The following MAP4 variants were observed in gnomAD, a reference collection of about 807,000 sequenced individuals.
The protein encoded by MAP4 is microtubule-associated protein 4.
Under a neutral mutation model 170.2 loss-of-function variants are expected in MAP4, and 76 were observed. That is an observed-to-expected ratio of 0.45 (90% confidence interval 0.37 to 0.54). The LOEUF (loss-of-function observed/expected upper bound fraction) is 0.54. MAP4 is among the 20% of genes least tolerant of loss of function. MAP4 has a pLI of 0.00. For missense variants in MAP4, 2,506 were observed against 2,748.0 expected (o/e 0.91, Z 1.97); for synonymous variants, 909 against 994.5 (o/e 0.91, Z 1.62).
intron 3 of MAP4, among the ~76,000 whole-genome samples, chr3:47,964,094 T>C (rs2100073348): frequency 6.6e-6 from 1 of 152,200 alleles, no homozygotes; most frequent in Admixed American, 6.5e-5. Flanking sequence ...GTCAGAAAGA[T>C]GACAACGACA....
chr3:48,069,638 GCA>G (rs1364185855), intron 1 of MAP4, among the ~76,000 whole-genome samples: 1 of 152,192 alleles, frequency 6.6e-6, no homozygotes, highest in Admixed American at 6.6e-5. Flanking sequence ...GCTATACTGA[GCA>G]CACAAAGTTA....
intron 3 of MAP4, among the ~76,000 whole-genome samples, chr3:47,969,859 C>CAAA (rs1191663864): frequency 9.8e-6 from 1 of 101,592 alleles, no homozygotes; most frequent in Non-Finnish European, 2.1e-5. Flanking sequence ...GACTCTGTCT[C>CAAA]AAAAAAAAAA....
intron 1 of MAP4, among the ~76,000 whole-genome samples, chr3:48,087,705 GCACA>G (rs1174735685): frequency 6.6e-6 from 1 of 150,492 alleles, no homozygotes; most frequent in South Asian, 2.1e-4. Flanking sequence ...GCGCGCGCGC[GCACA>G]CACACATACA....
chr3:47,923,445 A>T (rs918139423), intron 4 of MAP4, among the ~76,000 whole-genome samples: 2 of 151,410 alleles, frequency 1.3e-5, no homozygotes, highest in Admixed American at 1.3e-4. Flanking sequence ...GAGCCTGGAA[A>T]AGTGGCACAC....
At chr3:47,999,402 G>A (rs939519755) in intron 1 of MAP4, among the ~76,000 whole-genome samples, 5 of 151,726 alleles carry the variant, frequency 3.3e-5, no homozygotes, top group South Asian at 2.1e-4. Flanking sequence ...AAAAAGACAC[G>A]TTTCCCTCAA....
intron 3 of MAP4, among the ~76,000 whole-genome samples, chr3:47,958,172 T>G (rs2100068996): frequency 1.3e-5 from 2 of 152,166 alleles, no homozygotes; most frequent in Non-Finnish European, 2.9e-5. Context: ...AGGAGGACTA[T>G]GTCTGAAACC....
At chr3:47,928,483 T>C (rs762036333) in intron 3 of MAP4, 133 bp from the exon 4 acceptor site, 2 of 856,332 alleles carry the variant, frequency 2.3e-6, no homozygotes, top group Admixed American at 5.4e-5. Context: ...ACAAGAAAAC[T>C]TTTTTCTTTT....
At chr3:47,928,784 A>C (rs2100047626) in intron 3 of MAP4, among the ~76,000 whole-genome samples, 1 of 152,122 alleles carries the variant, frequency 6.6e-6, no homozygotes, top group Non-Finnish European at 1.5e-5. Context: ...TGAAAGAACA[A>C]GGATAAAACT....
At chr3:47,891,637 A>G (rs756788735) in intron 10 of MAP4, 10 of 1,536,150 alleles carry the variant, frequency 6.5e-6, no homozygotes, top group Non-Finnish European at 7.8e-6. Flanking sequence ...GGTTGAGCAC[A>G]GCCTCCTCGG....
chr3:48,010,844 G>A (rs911860920), intron 1 of MAP4, among the ~76,000 whole-genome samples: 19 of 152,252 alleles, frequency 1.2e-4, no homozygotes, highest in African/African-American at 2.6e-4. Flanking sequence ...TCTTTCTCCC[G>A]TGCTGGATGC....
chr3:47,881,121 T>G (rs2096641766), intron 10 of MAP4, among the ~76,000 whole-genome samples: 1 of 152,080 alleles, frequency 6.6e-6, no homozygotes, highest in African/African-American at 2.4e-5. Context: ...TTAGTGGGAT[T>G]GATCCTTTAT....
intron 1 of MAP4, among the ~76,000 whole-genome samples, chr3:48,088,083 C>G (rs985250854): frequency 1.3e-5 from 2 of 152,200 alleles, no homozygotes; most frequent in African/African-American, 4.8e-5. Context: ...GGATCTAACT[C>G]ACACCGGCGG....
chr3:47,903,750 C>G (rs1243408494), intron 9 of MAP4, among the ~76,000 whole-genome samples: 1 of 152,150 alleles, frequency 6.6e-6, no homozygotes, highest in African/African-American at 2.4e-5. Context: ...TACTTCTAAA[C>G]AGGGTAAGAT....
At chr3:48,039,940 C>T (rs1051230426) in intron 1 of MAP4, among the ~76,000 whole-genome samples, 2 of 152,214 alleles carry the variant, frequency 1.3e-5, no homozygotes, top group Non-Finnish European at 2.9e-5. Context: ...CTCTTAACTA[C>T]AGCCCTTTGC....
chr3:47,902,906 G>A, intron 10 of MAP4, 44 bp downstream of exon 10: 5 of 910,930 alleles, frequency 5.5e-6, no homozygotes, highest in Non-Finnish European at 6.6e-6. Flanking sequence ...TAGAATTCTG[G>A]GTTTATAAAT....
Position 47,931,192 on chromosome 3 carries a change from T to C in MAP4, c.293-2842A>G, listed in dbSNP as rs999846580. On this transcript the variant is annotated intron_variant, in intron 3 of 20. Coordinates refer to ENST00000683076, the MANE Select transcript of MAP4 (RefSeq NM_001385682.1). ...GAGTTTGAGACCAGCCTGGGCAACA[T>C]AGTGAGACCCTGTCTCTACAAAAAC... Among the ~76,000 whole-genome samples the C allele has an allele frequency of 5.9e-5, 9 of 151,518 alleles. 1 individual carries two copies. The highest frequency in any genetic ancestry group is 4.2e-4 in the South Asian group (2 of 4,804).
chr3:48,055,733 G>A (rs1320599477), intron 1 of MAP4, among the ~76,000 whole-genome samples: 12 of 99,340 alleles, frequency 1.2e-4, no homozygotes, highest in Admixed American at 8.0e-4. Flanking sequence ...GTCTCCGCCC[G>A]GCCGCCATCC....
rs1444217488 is a variant in MAP4 at position 47,912,488 on chromosome 3, C to CA, written c.2000-68dup. On this transcript the variant is annotated intron_variant, in intron 8 of 20. Coordinates refer to ENST00000683076, the MANE Select transcript of MAP4 (RefSeq NM_001385682.1). ...AAACAACAAAAAACAAACAAACAAACAAAAAAACCAGACCATATAAATGAC... is the reference window on the plus strand; with the variant it reads ...AAACAACAAAAAACAAACAAACAAACAAAAAAAACCAGACCATATAAATGAC... The CA allele has an allele frequency of 1.8e-5, 24 of 1,354,348 alleles. No individual in the cohort carries two copies. The East Asian group carries it at 3.5e-4, about 20-fold the overall frequency. The allele number at this position is 1,354,348 out of a possible 1,614,324, so 83.9% of individuals were successfully genotyped here.
At chr3:47,907,036 C>T (rs749936659) in intron 9 of MAP4, among the ~76,000 whole-genome samples, 1 of 151,992 alleles carries the variant, frequency 6.6e-6, no homozygotes, top group Non-Finnish European at 1.5e-5. Flanking sequence ...GGTTTCTCCA[C>T]GTTGGTGAGG....
Sources: gnomAD v4.1 joint callset for allele counts (sites outside exome capture counted in the v4.1 genomes callset) on GRCh38, gnomAD v4.1.1 for gene constraint, MANE v1.5 for transcripts, NCBI Gene and HGNC (gene_info 2026-07-23, HGNC 2026-07-21) for gene names.